The following PDZRN4 variants were observed in gnomAD, a reference collection of about 807,000 sequenced individuals.
The protein encoded by PDZRN4 is PDZ domain containing ring finger 4.
Under a neutral mutation model 99.0 loss-of-function variants are expected in PDZRN4, and 70 were observed. That is an observed-to-expected ratio of 0.71 (90% confidence interval 0.58 to 0.86). The LOEUF (loss-of-function observed/expected upper bound fraction) is 0.86. Ranked by LOEUF, PDZRN4 falls within the 40% of genes least tolerant of loss-of-function variation. The probability of loss-of-function intolerance (pLI) is 0.00; values close to 1 mark genes in which losing one functional copy is unlikely to be tolerated. For missense variants in PDZRN4, 1,474 were observed against 1,331.2 expected, an observed-to-expected ratio of 1.11 and a Z score of -1.67; for synonymous variants, 551 against 501.6, an observed-to-expected ratio of 1.10 and a Z score of -1.32.
intron 6 of PDZRN4, among the ~76,000 whole-genome samples, chr12:41,555,354 A>G (rs1939139034): frequency 6.6e-6 from 1 of 151,952 alleles, no homozygotes; most frequent in Non-Finnish European, 1.5e-5. Context: ...CCTCATGTCA[A>G]CTGAAGATCA....
intron 3 of PDZRN4, among the ~76,000 whole-genome samples, chr12:41,243,653 TA>T (rs1336923141): frequency 6.6e-6 from 1 of 152,140 alleles, no homozygotes; most frequent in Non-Finnish European, 1.5e-5. Context: ...ATAAATAAAA[TA>T]AAATTATCTT....
chr12:41,209,970 A>G (rs913465777), intron 3 of PDZRN4, among the ~76,000 whole-genome samples: 3 of 151,188 alleles, frequency 2.0e-5, no homozygotes, highest in Non-Finnish European at 4.4e-5. Context: ...CCAACAGTGT[A>G]AAAGTGTTCC....
At chr12:41,533,965 ATAC>A (rs1938707180) in intron 5 of PDZRN4, among the ~76,000 whole-genome samples, 1 of 152,120 alleles carries the variant, frequency 6.6e-6, no homozygotes, top group African/African-American at 2.4e-5. Flanking sequence ...GAAGTAATAT[ATAC>A]TATTTCTATT....
intron 3 of PDZRN4, among the ~76,000 whole-genome samples, chr12:41,252,738 T>C (rs955729109): frequency 3.3e-5 from 5 of 152,024 alleles, no homozygotes; most frequent in Admixed American, 3.3e-4. Flanking sequence ...AGACTCTGAA[T>C]AAAAAGAAAA....
intron 3 of PDZRN4, among the ~76,000 whole-genome samples, chr12:41,243,409 A>C (rs1363605928): frequency 6.6e-6 from 1 of 152,014 alleles, no homozygotes; most frequent in East Asian, 1.9e-4. Flanking sequence ...TAAACAAGGA[A>C]AAATATTGAT....
At chr12:41,201,111 G>T (rs1353516973) in intron 3 of PDZRN4, among the ~76,000 whole-genome samples, 2 of 149,656 alleles carry the variant, frequency 1.3e-5, no homozygotes, top group Non-Finnish European at 3.0e-5. Context: ...TTAAACCCAG[G>T]TTTTTTTTCA....
chr12:41,302,935 TACACACACACAC>T (rs71846165), intron 3 of PDZRN4, among the ~76,000 whole-genome samples: 2 of 127,116 alleles, frequency 1.6e-5, no homozygotes, highest in African/African-American at 2.6e-5. Flanking sequence ...ATATATAAAA[TACACACACACAC>T]ACACACACAC....
In PDZRN4 at chr12:41,467,987, G is replaced by T. The variant is rs201511914; in HGVS notation, c.844-38469G>T. ...TACATTCACTCAACAAACAAGTATT[G>T]AACACCTACTTAGTGCCAGGCATTG... On this transcript the variant is annotated intron_variant, in intron 3 of 9. Transcript: ENST00000402685. Among the ~76,000 whole-genome samples, 4 of 152,122 alleles carry T rather than the reference G, an allele frequency of 2.6e-5. No individual in the cohort carries two copies. The East Asian group carries it at 7.7e-4, about 29-fold the overall frequency.
At chr12:41,357,710 G>A (rs985831701) in intron 3 of PDZRN4, among the ~76,000 whole-genome samples, 3 of 151,980 alleles carry the variant, frequency 2.0e-5, no homozygotes, top group African/African-American at 7.2e-5. Context: ...TGAATTTTGT[G>A]AGGCAATAGG....
chr12:41,464,403 C>A (rs1313894837), intron 3 of PDZRN4, among the ~76,000 whole-genome samples: 1 of 152,126 alleles, frequency 6.6e-6, no homozygotes, highest in Admixed American at 6.5e-5. Flanking sequence ...TAATCATTTC[C>A]ATTCTGATGC....
chr12:41,385,860 A>T (rs1407137897), intron 3 of PDZRN4, among the ~76,000 whole-genome samples: 1 of 152,142 alleles, frequency 6.6e-6, no homozygotes, highest in Non-Finnish European at 1.5e-5. Flanking sequence ...GAGGTACAAC[A>T]AAAAAAGAAA....
intron 3 of PDZRN4, among the ~76,000 whole-genome samples, chr12:41,277,514 C>T (rs1244296064): frequency 6.6e-6 from 1 of 152,166 alleles, no homozygotes; most frequent in Non-Finnish European, 1.5e-5. Context: ...TGTCTATAAA[C>T]AGATGGCCGG....
chr12:41,394,056 G>C (rs527376790), intron 3 of PDZRN4, among the ~76,000 whole-genome samples: 99 of 152,332 alleles, frequency 6.5e-4, no homozygotes, highest in Admixed American at 2.9e-3. Flanking sequence ...TCAGAGGCTA[G>C]ATGTCTGAGA....
intron 3 of PDZRN4, among the ~76,000 whole-genome samples, chr12:41,495,260 GA>G (rs1169778554): frequency 2.6e-5 from 4 of 152,082 alleles, no homozygotes; most frequent in African/African-American, 9.7e-5. Context: ...AATATTGGAA[GA>G]AGTGAATTTT....
chr12:41,493,922 C>T (rs1415168821), intron 3 of PDZRN4, among the ~76,000 whole-genome samples: 2 of 151,568 alleles, frequency 1.3e-5, no homozygotes, highest in African/African-American at 2.4e-5. Context: ...ATTCTCTTTA[C>T]CGAAGTTTTA....
rs532501736 is a variant in PDZRN4 at position 41,391,577 on chromosome 12, T to A, written c.844-114879T>A. ...TCGTGTCAAGGAACAGATTAAATAATCTCACAATCAGGAACATTTTGAAAT... is the reference window on the plus strand; with the variant it reads ...TCGTGTCAAGGAACAGATTAAATAAACTCACAATCAGGAACATTTTGAAAT... On this transcript the variant is annotated intron_variant, in intron 3 of 9. Transcript: ENST00000402685. Among the ~76,000 whole-genome samples the A allele has an allele frequency of 4.6e-5, 7 of 152,266 alleles. No homozygotes were observed. The South Asian group carries it at 1.5e-3, about 32-fold the overall frequency.
chr12:41,326,333 A>G (rs1020160590), intron 3 of PDZRN4, among the ~76,000 whole-genome samples: 2 of 152,170 alleles, frequency 1.3e-5, no homozygotes, highest in African/African-American at 4.8e-5. Flanking sequence ...GACAACATAC[A>G]CACACAGTTT....
At chr12:41,452,556 C>A (rs980928186) in intron 3 of PDZRN4, among the ~76,000 whole-genome samples, 1 of 152,030 alleles carries the variant, frequency 6.6e-6, no homozygotes, top group African/African-American at 2.4e-5. Flanking sequence ...TCATGCATAG[C>A]AAATGGTACC....
intron 3 of PDZRN4, among the ~76,000 whole-genome samples, chr12:41,457,632 G>T (rs1043396323): frequency 6.6e-6 from 1 of 152,144 alleles, no homozygotes; most frequent in Admixed American, 6.5e-5. Context: ...AGGGGACCAA[G>T]ATCTTTTCCA....
Sources: allele counts gnomAD v4.1 joint callset (sites outside exome capture counted in the v4.1 genomes callset), GRCh38; gene constraint gnomAD v4.1.1; transcripts MANE v1.5; gene names NCBI Gene and HGNC (gene_info 2026-07-23, HGNC 2026-07-21).